Variants in TENM3 observed in about 807,000 individuals in gnomAD.
The protein encoded by TENM3 is teneurin-3.
In TENM3, 63 loss-of-function variants were observed where a neutral mutation model predicts 255.1. The ratio of observed to expected loss-of-function variants is 0.25; its 90% CI spans 0.20 to 0.30. The LOEUF is 0.30. TENM3 is among the 10% of genes least tolerant of loss of function. TENM3 has a pLI of 1.00. For synonymous variants in TENM3, 1,306 were observed against 1,322.3 expected (o/e 0.99, Z 0.27); for missense variants, 2,929 against 3,461.1 (o/e 0.85, Z 3.86).
At chr4:181,537,754 T>C in the TENM3 span, among the ~76,000 whole-genome samples, 1 of 152,152 alleles carries the variant, frequency 6.6e-6, no homozygotes, top group Non-Finnish European at 1.5e-5. Context: ...GCTAAGAAAA[T>C]CTGCTTTCCA....
the TENM3 span, among the ~76,000 whole-genome samples, chr4:181,667,321 C>A: frequency 0.33 from 50,215 of 151,946 alleles, 8,534 homozygotes; most frequent in Non-Finnish European, 0.36. Flanking sequence ...ACTGGTCATC[C>A]AAAACAGACC....
the TENM3 span, among the ~76,000 whole-genome samples, chr4:181,684,275 A>G: frequency 1.3e-5 from 2 of 152,254 alleles, no homozygotes; most frequent in South Asian, 2.1e-4. Context: ...ATTTTTTACC[A>G]ATCATTTTAC....
intron 24 of TENM3, among the ~76,000 whole-genome samples, chr4:182,784,340 G>A (rs909328405): frequency 6.9e-6 from 1 of 145,946 alleles, no homozygotes; most frequent in South Asian, 2.2e-4. Flanking sequence ...GCCCCTGCTG[G>A]GGGGTGCCTC....
intron 4 of TENM3, among the ~76,000 whole-genome samples, chr4:182,617,254 G>A (rs17258590): frequency 0.2 from 30,601 of 152,146 alleles, 3,689 homozygotes; most frequent in Non-Finnish European, 0.27. Context: ...AATAATAGGC[G>A]TTATGGAAGG....
At chr4:182,448,223 G>T (rs1773090950) in intron 3 of TENM3, among the ~76,000 whole-genome samples, 1 of 152,232 alleles carries the variant, frequency 6.6e-6, no homozygotes, top group Admixed American at 6.5e-5. Context: ...GCCACGGGCC[G>T]GTCCACGCAG....
the TENM3 span, among the ~76,000 whole-genome samples, chr4:182,021,618 G>C: frequency 6.6e-6 from 1 of 152,048 alleles, no homozygotes; most frequent in Non-Finnish European, 1.5e-5. Context: ...TGGTTTAAAG[G>C]TCCTCTAGAC....
the TENM3 span, among the ~76,000 whole-genome samples, chr4:181,918,066 C>A: frequency 6.6e-6 from 1 of 152,122 alleles, no homozygotes. Context: ...TCATCAGTTT[C>A]TTCTCTCTAA....
chr4:181,836,408 A>G, the TENM3 span, among the ~76,000 whole-genome samples: 1 of 152,160 alleles, frequency 6.6e-6, no homozygotes, highest in Admixed American at 6.5e-5. Context: ...CTTCTTAAAT[A>G]ATATATTTTT....
the TENM3 span, among the ~76,000 whole-genome samples, chr4:181,740,646 T>C: frequency 4.8e-3 from 725 of 150,178 alleles, 7 homozygotes; most frequent in African/African-American, 0.015. Flanking sequence ...TTGAAAATGA[T>C]AAAAATTACC....
At chr4:181,968,078 T>C in the TENM3 span, among the ~76,000 whole-genome samples, 2 of 152,298 alleles carry the variant, frequency 1.3e-5, no homozygotes, top group South Asian at 2.1e-4. Context: ...CTGGAGGTCC[T>C]GGTATTCCGA....
At chr4:182,542,831 T>C (rs4351060) in intron 3 of TENM3, among the ~76,000 whole-genome samples, 5,937 of 152,276 alleles carry the variant, frequency 0.039, 227 homozygotes, top group East Asian at 0.095. Flanking sequence ...TTCAGGTGTC[T>C]ACTTTCCATA....
the TENM3 span, among the ~76,000 whole-genome samples, chr4:181,819,422 A>T: frequency 6.6e-6 from 1 of 152,222 alleles, no homozygotes; most frequent in Non-Finnish European, 1.5e-5. Flanking sequence ...ACACAGGCAA[A>T]GAGGTGACAG....
At chr4:182,273,588 G>A (rs1759794616) in intron 1 of TENM3, among the ~76,000 whole-genome samples, 2 of 152,156 alleles carry the variant, frequency 1.3e-5, no homozygotes, top group East Asian at 1.9e-4. Context: ...CTCATTGATT[G>A]TACCGCATTT....
At chr4:182,005,763 T>C in the TENM3 span, among the ~76,000 whole-genome samples, 1 of 152,128 alleles carries the variant, frequency 6.6e-6, no homozygotes. Flanking sequence ...GGTTTGTAGT[T>C]CTCCTTGAAG....
At chr4:182,422,468 A>C (rs1770910108) in intron 3 of TENM3, among the ~76,000 whole-genome samples, 1 of 152,190 alleles carries the variant, frequency 6.6e-6, no homozygotes, top group Admixed American at 6.5e-5. Flanking sequence ...TATGATAAGG[A>C]TTTCTTTTCA....
intron 24 of TENM3, among the ~76,000 whole-genome samples, chr4:182,781,495 C>G (rs1178515052): frequency 1.3e-5 from 2 of 151,974 alleles, no homozygotes; most frequent in Admixed American, 1.3e-4. Flanking sequence ...CAATGTTCAT[C>G]AAGGATATTG....
At chr4:182,273,855 G>T (rs912747175) in intron 1 of TENM3, among the ~76,000 whole-genome samples, 1 of 152,194 alleles carries the variant, frequency 6.6e-6, no homozygotes, top group African/African-American at 2.4e-5. Flanking sequence ...AAATATTTTG[G>T]TTTAAATTTA....
the TENM3 span, among the ~76,000 whole-genome samples, chr4:181,910,630 ATG>A: frequency 4.3e-3 from 405 of 93,276 alleles, 1 homozygote; most frequent in East Asian, 0.011. Flanking sequence ...GTGTGTGTGT[ATG>A]TGTGTGTGTG....
In TENM3 at chr4:182,324,082, G is replaced by T; in HGVS notation, c.62G>T (p.Arg21Leu). The change falls in exon 2 of 28, where the codon CGG becomes CTG. Residue 21 changes from arginine to leucine, a missense_variant. Transcript: ENST00000511685. Reference protein sequence around the residue: ...SLTKSRREKERRYTNSSADNE... With the variant: ...SLTKSRREKELRYTNSSADNE... ...ACCAAGAGCAGACGAGAGAAGGAAC[G>T]GCGCTACACAAATTCCTCCGCAGAC... The T allele has an allele frequency of 6.2e-7, 1 of 1,613,958 alleles. No individual in the cohort carries two copies. The highest frequency in any genetic ancestry group is 8.5e-7 in the Non-Finnish European group (1 of 1,179,878).
Sources: gnomAD v4.1 joint callset for allele counts (sites outside exome capture counted in the v4.1 genomes callset) on GRCh38, gnomAD v4.1.1 for gene constraint, MANE v1.5 for transcripts, NCBI Gene and HGNC (gene_info 2026-07-23, HGNC 2026-07-21) for gene names.